Variants in SORL1 observed in about 807,000 individuals in gnomAD.
The protein encoded by SORL1 is sortilin-related receptor.
In SORL1, 127 loss-of-function variants were observed where a neutral mutation model predicts 273.7. That is an observed-to-expected ratio of 0.46 (90% CI 0.40 to 0.54). The LOEUF (loss-of-function observed/expected upper bound fraction) is 0.54, where lower values mean the gene tolerates loss of function less well. Ranked by LOEUF, SORL1 falls within the 20% of genes least tolerant of loss-of-function variation. The probability of loss-of-function intolerance (pLI) is 0.00; values close to 1 mark genes in which losing one functional copy is unlikely to be tolerated. For synonymous variants in SORL1, 1,031 were observed against 1,067.4 expected (o/e 0.97, Z 0.66); for missense variants, 2,494 against 2,846.1 (o/e 0.88, Z 2.81).
chr11:121,552,909 G>A (rs1862525401), intron 16 of SORL1, among the ~76,000 whole-genome samples: 1 of 152,194 alleles, frequency 6.6e-6, no homozygotes, highest in African/African-American at 2.4e-5. Context: ...AGATGCTGGT[G>A]TGCTGCTTGT....
intron 12 of SORL1, among the ~76,000 whole-genome samples, chr11:121,542,412 A>G (rs755591077): frequency 6.6e-6 from 1 of 152,322 alleles, no homozygotes. Context: ...TTTAAAATCT[A>G]TAACACATTA....
intron 27 of SORL1, among the ~76,000 whole-genome samples, chr11:121,586,693 T>TGGGGGGGGGGGGGG (rs376563096): frequency 6.2e-5 from 6 of 97,220 alleles, no homozygotes; most frequent in Non-Finnish European, 1.0e-4. Flanking sequence ...GGGGGTAGAG[T>TGGGGGGGGGGGGGG]GGGGGGGGGG....
chr11:121,550,560 T>C lies in SORL1; in HGVS notation c.2181-25T>C. 6.2e-7 allele frequency: 1 copy of C among 1,610,734 alleles called. No individual in the cohort carries two copies. Among genetic ancestry groups the C allele is most frequent in the Non-Finnish European group, 8.5e-7 (1 of 1,176,956 alleles). On this transcript the variant is annotated intron_variant, in intron 15 of 47. Transcript: ENST00000260197. This position sits in a 1 kb window ranked among gnomAD's most constrained non-coding sequence, Gnocchi z 5.3. ...TGGCTATTCTTCCATGTTTCTGACC[T>C]CTTGCTCTTGGGGTGGGGTGACAGC...
intron 41 of SORL1, among the ~76,000 whole-genome samples, chr11:121,618,415 C>A (rs1863669916): frequency 6.6e-6 from 1 of 152,106 alleles, no homozygotes; most frequent in Non-Finnish European, 1.5e-5. Context: ...TAGAATGACA[C>A]CCCCTCTTTA....
At chr11:121,589,820 A>G (rs73018993) in intron 29 of SORL1, among the ~76,000 whole-genome samples, 1,800 of 152,312 alleles carry the variant, frequency 0.012, 10 homozygotes, top group Middle Eastern at 0.02. Context: ...TGTAGTATAG[A>G]TCAGAGGAAC....
chr11:121,519,061 C>T (rs1469412084), intron 8 of SORL1, among the ~76,000 whole-genome samples: 4 of 151,230 alleles, frequency 2.6e-5, no homozygotes, highest in African/African-American at 9.7e-5. Context: ...GATTCTCCTG[C>T]CTCAGCCTCC....
At chr11:121,587,872 G>T in intron 27 of SORL1, 148 bp from the exon 28 acceptor site, 1 of 810,012 alleles carries the variant, frequency 1.2e-6, no homozygotes, top group Non-Finnish European at 1.9e-6. Context: ...TTAGCTCTAG[G>T]CTTGGCAGAA....
chr11:121,510,045 A>G (rs1398817462), intron 6 of SORL1, among the ~76,000 whole-genome samples: 1 of 152,108 alleles, frequency 6.6e-6, no homozygotes, highest in Non-Finnish European at 1.5e-5. Flanking sequence ...AGTAATAAAT[A>G]CATGCTTATT....
chr11:121,562,136 C>T (rs1862686333), intron 21 of SORL1, among the ~76,000 whole-genome samples: 1 of 152,094 alleles, frequency 6.6e-6, no homozygotes, highest in Non-Finnish European at 1.5e-5. Flanking sequence ...GCTAAAAATC[C>T]ACTCTGCTAG....
intron 12 of SORL1, among the ~76,000 whole-genome samples, chr11:121,539,201 T>C (rs1204586391): frequency 6.6e-6 from 1 of 152,188 alleles, no homozygotes; most frequent in East Asian, 1.9e-4. Flanking sequence ...AAGATCTTCA[T>C]GAAAAAAAGA....
intron 24 of SORL1, 72 bp from the exon 25 acceptor site, chr11:121,577,209 A>G (rs1862944000): frequency 6.6e-7 from 1 of 1,526,508 alleles, no homozygotes; most frequent in Non-Finnish European, 8.8e-7. Context: ...CCTTTATGAG[A>G]GCTTTGACAC....
At chr11:121,534,473 T>C (rs1862242254) in intron 12 of SORL1, among the ~76,000 whole-genome samples, 1 of 152,260 alleles carries the variant, frequency 6.6e-6, no homozygotes, top group African/African-American at 2.4e-5. Context: ...TGGGGGATTA[T>C]GGTCACTGTA....
rs370136870 is a variant in SORL1, at chr11:121,570,141, G to T, written c.3224-16G>T. On this transcript the variant is annotated splice_polypyrimidine_tract_variant and intron_variant, in intron 22 of 47. Coordinates refer to ENST00000260197, the MANE Select transcript of SORL1 (RefSeq NM_003105.6). ...TATTGGTTTCATTTCCTCCCCTGCC[G>T]CACTCTGATGGGTAGAGAACACCTG... is the stretch of plus-strand genomic sequence containing the variant. The T allele has an allele frequency of 1.9e-6, 3 of 1,563,510 alleles. No individual in the cohort carries two copies. The highest frequency in any genetic ancestry group is 1.1e-5 in the South Asian group (1 of 89,462).
chr11:121,554,163 C>A lies in SORL1; in HGVS notation c.2439+54C>A. 3 of 1,512,878 alleles carry A rather than the reference C, an allele frequency of 2.0e-6. No homozygotes were observed. The highest frequency in any genetic ancestry group is 2.7e-6 in the Non-Finnish European group (3 of 1,102,080). 93.7% of individuals were successfully genotyped at this position (1,512,878 alleles called of 1,614,324 possible). A position where few individuals can be genotyped will look rare whatever the true frequency, so the allele number is the denominator to read the frequency against. On this transcript the variant is annotated intron_variant, in intron 17 of 47. Coordinates refer to ENST00000260197, the MANE Select transcript of SORL1 (RefSeq NM_003105.6). This position sits in a 1 kb window ranked among gnomAD's most constrained non-coding sequence, Gnocchi z 4.6. ...AGCTGTGCATCGTGACTGCCCTGTC[C>A]TGATAAGCTGCATGCAGAATGGCCT...
rs759338688 is a variant in SORL1, at chr11:121,630,108, G to A, written c.*545G>A. The A allele has an allele frequency of 6.5e-6, 1 of 154,186 alleles. No individual in the cohort carries two copies. The highest frequency in any genetic ancestry group is 1.4e-5 in the Non-Finnish European group (1 of 69,400). The allele number at this position is 154,186 out of a possible 1,614,324, so 9.6% of individuals were successfully genotyped here. ...GGTCATTAGACACCACATGTGTTAT[G>A]AGCCCCTTACCCATAGGGTTGGGGG... On this transcript the variant is annotated 3_prime_UTR_variant, in exon 48 of 48. Transcript: ENST00000260197.
intron 32 of SORL1, among the ~76,000 whole-genome samples, chr11:121,602,379 G>A (rs1309483974): frequency 1.3e-5 from 2 of 152,122 alleles, no homozygotes; most frequent in Admixed American, 6.5e-5. Context: ...CTAGAGACTC[G>A]TGCAAAGAAG....
intron 14 of SORL1, among the ~76,000 whole-genome samples, chr11:121,547,417 C>CAAAAAAAAAAAAAAAAAAAAAAAAAAA (rs67390938): frequency 1.2e-4 from 3 of 24,034 alleles, no homozygotes; most frequent in East Asian, 1.2e-3. Context: ...CAACCCTCAC[C>CAAAAAAAAAAAAAAAAAAAAAAAAAAA]AAAAAAAAAA....
At chr11:121,522,334 T>G (rs1456795276) in intron 9 of SORL1, among the ~76,000 whole-genome samples, 1 of 152,234 alleles carries the variant, frequency 6.6e-6, no homozygotes, top group Non-Finnish European at 1.5e-5. Context: ...TTCTAATTGT[T>G]ATTCCCTGAG....
chr11:121,631,623 A>G lies in SORL1; in HGVS notation c.*2060A>G, dbSNP rs1217091143. 6.6e-6 allele frequency: 1 copy of G among 152,186 alleles called. No individual in the cohort carries two copies. The highest frequency in any genetic ancestry group is 2.4e-5 in the African/African-American group (1 of 41,442). The allele number at this position is 152,186 out of a possible 1,614,324, so 9.4% of individuals were successfully genotyped here. On this transcript the variant is annotated 3_prime_UTR_variant, in exon 48 of 48. Transcript: ENST00000260197. ...CTGAGATGTTATTTTCAGTTATTCCATAGGCAAGCCTTTTTACAGAGCATA... is the reference window on the plus strand; with the variant it reads ...CTGAGATGTTATTTTCAGTTATTCCGTAGGCAAGCCTTTTTACAGAGCATA...
Sources: allele counts gnomAD v4.1 joint callset (sites outside exome capture counted in the v4.1 genomes callset), GRCh38; gene constraint gnomAD v4.1.1; non-coding constraint Gnocchi (gnomAD v3.1); transcripts MANE v1.5; gene names NCBI Gene and HGNC (gene_info 2026-07-23, HGNC 2026-07-21).